The following EIF2S2 variants were observed in gnomAD, a reference collection of about 807,000 sequenced individuals.
EIF2S2 encodes eukaryotic translation initiation factor 2 subunit 2.
In EIF2S2, 4 loss-of-function variants were observed where a neutral mutation model predicts 44.0. The observed-to-expected ratio is 0.09, with a 90% CI of 0.04 to 0.21. EIF2S2 has a LOEUF of 0.21. EIF2S2 is among the 10% of genes least tolerant of loss of function. The probability of loss-of-function intolerance (pLI) is 1.00; values close to 1 mark genes in which losing one functional copy is unlikely to be tolerated. For missense variants in EIF2S2, 154 were observed against 392.0 expected, an observed-to-expected ratio of 0.39 and a Z score of 5.13; for synonymous variants, 108 against 128.3, an observed-to-expected ratio of 0.84 and a Z score of 1.07.
chr20:34,104,885 CACAT>C (rs1299857875), intron 2 of EIF2S2, among the ~76,000 whole-genome samples: 12 of 152,214 alleles, frequency 7.9e-5, no homozygotes, highest in Non-Finnish European at 1.8e-4. Flanking sequence ...ATTCAACAGA[CACAT>C]ACAATGTTTA....
intron 2 of EIF2S2, among the ~76,000 whole-genome samples, chr20:34,104,947 A>C (rs1468778097): frequency 6.6e-6 from 1 of 152,232 alleles, no homozygotes; most frequent in Non-Finnish European, 1.5e-5. Context: ...GTTACAGCAC[A>C]GGGGTAAGTA....
intron 3 of EIF2S2, 50 bp from the exon 4 acceptor site, chr20:34,098,683 T>C: frequency 6.4e-7 from 1 of 1,568,266 alleles, no homozygotes; most frequent in Non-Finnish European, 8.6e-7. Flanking sequence ...CTATTCTTTT[T>C]TATTTATTTT....
intron 2 of EIF2S2, 127 bp from the exon 3 acceptor site, chr20:34,103,692 A>C: frequency 2.3e-6 from 3 of 1,300,898 alleles, no homozygotes; most frequent in Non-Finnish European, 9.9e-7. Context: ...TCCCTCCACA[A>C]TCACAAAACT....
At chr20:34,098,265 C>A (rs922759895) in intron 4 of EIF2S2, among the ~76,000 whole-genome samples, 1 of 151,750 alleles carries the variant, frequency 6.6e-6, no homozygotes, top group African/African-American at 2.4e-5. Context: ...AAAAAAAATC[C>A]GGTTATAGTA....
intron 3 of EIF2S2, among the ~76,000 whole-genome samples, chr20:34,100,749 C>T (rs2122418489): frequency 6.6e-6 from 1 of 152,166 alleles, no homozygotes; most frequent in Non-Finnish European, 1.5e-5. Context: ...AAGGCAGAAG[C>T]CATGGGGAAT....
chr20:34,109,007 A>C (rs547040828), intron 1 of EIF2S2, among the ~76,000 whole-genome samples: 1 of 151,530 alleles, frequency 6.6e-6, no homozygotes, highest in South Asian at 2.1e-4. Flanking sequence ...ACTACTCTCA[A>C]TTGTAATTAT....
rs1491112027 is a variant in EIF2S2 at position 34,103,708 on chromosome 20, TTC to T, written c.194-145_194-144del. 3 of 1,264,812 alleles carry T rather than the reference TTC, an allele frequency of 2.4e-6. No individual in the cohort carries two copies. The East Asian group carries it at 1.1e-4, about 48-fold the overall frequency. The allele number at this position is 1,264,812 out of a possible 1,614,324, so 78.3% of individuals were successfully genotyped here. On this transcript the variant is annotated intron_variant, in intron 2 of 8. Coordinates refer to ENST00000374980, the MANE Select transcript of EIF2S2 (RefSeq NM_003908.5). ...CCCTCCACAATCACAAAACTTATGG[TTC>T]TTTTTTTTTTTTTTGAGATGGAGTC...
chr20:34,100,477 A>T (rs1164047068), intron 3 of EIF2S2, among the ~76,000 whole-genome samples: 1 of 152,160 alleles, frequency 6.6e-6, no homozygotes, highest in Non-Finnish European at 1.5e-5. Flanking sequence ...TCCCCAGATA[A>T]GGGATCCCTT....
At chr20:34,091,776 T>TTTTTG (rs4012181) in intron 7 of EIF2S2, among the ~76,000 whole-genome samples, 8 of 95,834 alleles carry the variant, frequency 8.3e-5, no homozygotes, top group African/African-American at 2.5e-4. Context: ...TTTATTTTTT[T>TTTTTG]GGGGGGGGGG....
intron 1 of EIF2S2, among the ~76,000 whole-genome samples, chr20:34,106,308 T>A (rs1051060350): frequency 1.3e-5 from 2 of 151,936 alleles, no homozygotes; most frequent in Non-Finnish European, 2.9e-5. Context: ...AAAAACAAAA[T>A]TTTTTTTAAC....
At chr20:34,090,746 C>T (rs1344161064) in intron 7 of EIF2S2, 144 bp from the exon 8 acceptor site, 3 of 465,486 alleles carry the variant, frequency 6.4e-6, no homozygotes, top group African/African-American at 6.1e-5. Flanking sequence ...ACTTGGTTTC[C>T]CAAAATTTAT....
rs1366939794 is a variant in EIF2S2, at chr20:34,096,738, T to C, written c.602A>G (p.Lys201Arg). 6.2e-7 allele frequency: 1 copy of C among 1,611,840 alleles called. No homozygotes were observed. Among genetic ancestry groups the C allele is most frequent in the Non-Finnish European group, 8.5e-7 (1 of 1,179,746 alleles). The change falls in exon 6 of 9, where the codon AAA becomes AGA. Residue 201 changes from lysine to arginine, a missense_variant. Around this residue, in one of 2 missense-constraint regions of EIF2S2, gnomAD observed 20 missense variants for 167.0 expected, o/e 0.12. Transcript: ENST00000374980. ...NPDMVAGEKR[K>R]FVMKPPQVVR... ...GACTTGTGGAGGTTTCATGACAAAT[T>C]TCCTTTTCTCCCCAGCAACCATATC... is the stretch of plus-strand genomic sequence containing the variant.
Position 34,101,679 on chromosome 20 carries a change from T to C in EIF2S2, c.297+1783A>G, listed in dbSNP as rs190295909. On this transcript the variant is annotated intron_variant, in intron 3 of 8. Coordinates refer to ENST00000374980, the MANE Select transcript of EIF2S2 (RefSeq NM_003908.5). ...AGAACAGCAAAAAGTATTTTTCTTT[T>C]TTTTTTTTTTTTTGAGACAGAGTCT... Among the ~76,000 whole-genome samples, 1,056 of 149,712 alleles carry C rather than the reference T, an allele frequency of 7.1e-3. 11 individuals are homozygous for C. Among genetic ancestry groups the C allele is most frequent in the African/African-American group, 0.024 (989 of 41,004 alleles).
intron 1 of EIF2S2, among the ~76,000 whole-genome samples, chr20:34,108,791 C>T (rs865931069): frequency 6.6e-6 from 1 of 152,166 alleles, no homozygotes; most frequent in South Asian, 2.1e-4. Context: ...CCCAAGAAAT[C>T]AACTTTATAG....
At chr20:34,103,347 A>T in intron 3 of EIF2S2, 115 bp downstream of exon 3, 3 of 1,357,798 alleles carry the variant, frequency 2.2e-6, no homozygotes, top group Non-Finnish European at 2.9e-6. Flanking sequence ...AGTGGCAATT[A>T]AGTGCTAATA....
At chr20:34,100,462 A>G (rs1275080447) in intron 3 of EIF2S2, among the ~76,000 whole-genome samples, 1 of 152,200 alleles carries the variant, frequency 6.6e-6, no homozygotes, top group Non-Finnish European at 1.5e-5. Flanking sequence ...AAAGCTATCT[A>G]GAGATCCCCA....
At chr20:34,108,734 CCT>C (rs1324920580) in intron 1 of EIF2S2, among the ~76,000 whole-genome samples, 1 of 151,996 alleles carries the variant, frequency 6.6e-6, no homozygotes, top group Non-Finnish European at 1.5e-5. Flanking sequence ...CTAAAATTAC[CCT>C]GATGCTCATC....
At chr20:34,104,286 C>T (rs1355197031) in intron 2 of EIF2S2, among the ~76,000 whole-genome samples, 1 of 152,198 alleles carries the variant, frequency 6.6e-6, no homozygotes, top group Non-Finnish European at 1.5e-5. Flanking sequence ...CTCTCACCAA[C>T]AAACCTTCCC....
At chr20:34,105,810 T>C (rs996246917) in intron 1 of EIF2S2, among the ~76,000 whole-genome samples, 25 of 152,182 alleles carry the variant, frequency 1.6e-4, no homozygotes, top group Admixed American at 8.5e-4. Context: ...ATGAGCAAAT[T>C]TGGACATTTG....
Sources: allele counts gnomAD v4.1 joint callset (sites outside exome capture counted in the v4.1 genomes callset), GRCh38; gene constraint gnomAD v4.1.1; regional missense constraint gnomAD v4.1.1; transcripts MANE v1.5; gene names NCBI Gene and HGNC (gene_info 2026-07-23, HGNC 2026-07-21).